HOXD3: variants seen among roughly 807,000 people sequenced by gnomAD.
HOXD3 encodes homeobox D3.
HOXD3 carries 13 observed loss-of-function variants against 32.8 expected under a neutral mutation model. The ratio of observed to expected loss-of-function variants is 0.40; its 90% confidence interval spans 0.26 to 0.63. HOXD3 has a LOEUF of 0.63. Ranked by LOEUF, HOXD3 falls within the 20% of genes least tolerant of loss-of-function variation. The pLI, the probability that HOXD3 is intolerant of heterozygous loss-of-function variation, is 0.44. For synonymous variants in HOXD3, 241 were observed against 246.8 expected, an observed-to-expected ratio of 0.98 and a Z score of 0.22; for missense variants, 504 against 577.1, an observed-to-expected ratio of 0.87 and a Z score of 1.30.
chr2:176,157,650 G>T (rs1439648651), intron 1 of HOXD3, among the ~76,000 whole-genome samples, 198 bp downstream of exon 1: 1 of 152,184 alleles, frequency 6.6e-6, no homozygotes, highest in East Asian at 1.9e-4. Flanking sequence ...GGCCGAGTGT[G>T]TGTGTGTGTG....
chr2:176,165,577 G>C (rs908180018), intron 2 of HOXD3: 1 of 152,374 alleles, frequency 6.6e-6, no homozygotes, highest in Non-Finnish European at 1.5e-5. Flanking sequence ...GACCTATTTG[G>C]CACCCCTTTC....
chr2:176,172,528 G>A lies in HOXD3; in HGVS notation c.*254G>A, dbSNP rs994746095. ...AAATTTGACAGTGCCACATACTGCG[G>A]ACCAAGGGACTCCAATCTGGTAATG... On this transcript the variant is annotated 3_prime_UTR_variant, in exon 4 of 4. Transcript: ENST00000683222. The A allele has an allele frequency of 1.9e-6, 1 of 515,522 alleles. No individual in the cohort carries two copies. 31.9% of individuals were successfully genotyped at this position (515,522 alleles called of 1,614,324 possible).
intron 2 of HOXD3, among the ~76,000 whole-genome samples, chr2:176,168,066 A>G (rs1390996292): frequency 6.6e-6 from 1 of 152,184 alleles, no homozygotes; most frequent in Non-Finnish European, 1.5e-5. Flanking sequence ...GCTAAAAAGA[A>G]GGAAACTCTT....
chr2:176,162,680 T>G (rs1438659687), intron 1 of HOXD3, among the ~76,000 whole-genome samples: 1 of 152,102 alleles, frequency 6.6e-6, no homozygotes, highest in East Asian at 1.9e-4. Flanking sequence ...CCAAGCCTCT[T>G]ACGCCAAGAG....
chr2:176,172,291 G>A lies in HOXD3; in HGVS notation c.*17G>A. ...CATCTGTAGCGGCCGCCGCCAGCCC[G>A]AACTCGCGGCAAAATTACCTCTCTT... On this transcript the variant is annotated 3_prime_UTR_variant, in exon 4 of 4. Coordinates refer to ENST00000683222, the MANE Select transcript of HOXD3 (RefSeq NM_006898.5). 1 of 1,574,360 alleles carries A rather than the reference G, an allele frequency of 6.4e-7. No individual in the cohort carries two copies. Among genetic ancestry groups the A allele is most frequent in the Non-Finnish European group, 8.6e-7 (1 of 1,164,478 alleles).
chr2:176,158,764 G>A (rs1690706474), intron 1 of HOXD3, among the ~76,000 whole-genome samples: 1 of 152,142 alleles, frequency 6.6e-6, no homozygotes, highest in Non-Finnish European at 1.5e-5. Context: ...CAGATTCCAG[G>A]CGCTTTCTCT....
intron 2 of HOXD3, among the ~76,000 whole-genome samples, chr2:176,167,096 T>C (rs72927180): frequency 0.036 from 5,464 of 152,312 alleles, 127 homozygotes; most frequent in Middle Eastern, 0.058. Flanking sequence ...AGTTATACTT[T>C]AACTCTTTAG....
intron 2 of HOXD3, among the ~76,000 whole-genome samples, chr2:176,166,882 C>T (rs1027082460): frequency 6.6e-6 from 1 of 152,134 alleles, no homozygotes; most frequent in African/African-American, 2.4e-5. Context: ...GGAGGGAAAA[C>T]TAGTGAATCA....
chr2:176,153,664 T>C (rs896166544), upstream of HOXD3, among the ~76,000 whole-genome samples: 4 of 152,178 alleles, frequency 2.6e-5, no homozygotes, highest in Admixed American at 6.5e-5. Flanking sequence ...TATGTGCACT[T>C]ACTTCTGAAC....
rs780237209 is a variant in HOXD3 at position 176,169,350 on chromosome 2, C to A, written c.236C>A (p.Pro79Gln). The A allele has an allele frequency of 6.2e-7, 1 of 1,614,096 alleles. No individual in the cohort carries two copies. Among genetic ancestry groups the A allele is most frequent in the Admixed American group, 1.7e-5 (1 of 60,024 alleles). The change falls in exon 3 of 4, where the codon CCA becomes CAA. Residue 79 changes from proline (P) to glutamine (Q), a missense_variant. Physicochemically the swap from Pro to Gln is moderately conservative, Grantham distance 76. Coordinates refer to ENST00000683222, the MANE Select transcript of HOXD3 (RefSeq NM_006898.5). ...SIQSSAPLRAPAHKGAELNGS... is the reference protein window; with the variant it reads ...SIQSSAPLRAQAHKGAELNGS... ...CAGAGCTCTGCCCCTCTGAGAGCCC[C>A]AGCCCACAAAGGAGCTGAACTCAAT...
intron 1 of HOXD3, among the ~76,000 whole-genome samples, chr2:176,162,025 C>T (rs755060757): frequency 6.6e-6 from 1 of 152,206 alleles, no homozygotes; most frequent in Non-Finnish European, 1.5e-5. Context: ...CAGACCCAAC[C>T]GGACCTTTAT....
At position 176,172,247 on chromosome 2, in the gene HOXD3, G is replaced by A; in HGVS notation, c.1272G>A (p.Pro424=). 6.2e-7 allele frequency: 1 copy of A among 1,605,378 alleles called. No individual in the cohort carries two copies. Among genetic ancestry groups the A allele is most frequent in the Non-Finnish European group, 8.5e-7 (1 of 1,178,674 alleles). ...SAHHSSQGRL[P]EAPKLTHL is the part of the protein sequence containing the mutation. ...ACCACTCGTCTCAGGGACGACTGCC[G>A]GAGGCTCCCAAACTGACGCATCTGT... The change falls in exon 4 of 4, where the codon CCG becomes CCA. Residue 424 remains proline (P), a synonymous_variant. Transcript: ENST00000683222.
At chr2:176,167,249 A>G (rs1026723470) in intron 2 of HOXD3, among the ~76,000 whole-genome samples, 1 of 152,052 alleles carries the variant, frequency 6.6e-6, no homozygotes, top group Non-Finnish European at 1.5e-5. Context: ...AGGTTCTCTC[A>G]TTGGTTGTGG....
At chr2:176,152,972 G>C (rs369247267), upstream of HOXD3, 290 of 1,604,028 alleles carry the variant, frequency 1.8e-4, no homozygotes, top group Non-Finnish European at 2.3e-4. The surrounding 1 kb of genome is among the most constrained non-coding windows in gnomAD (Gnocchi z 5.2). Context: ...ATCTCTCCCT[G>C]CGCACCAGGC....
chr2:176,172,444 C>T lies in HOXD3; in HGVS notation c.*170C>T. 1.6e-6 allele frequency: 1 copy of T among 609,072 alleles called. No individual in the cohort carries two copies. The highest frequency in any genetic ancestry group is 2.8e-6 in the Non-Finnish European group (1 of 353,716). 37.7% of individuals were successfully genotyped at this position (609,072 alleles called of 1,614,324 possible). ...CGGAGGCGCAGGCGACCGGGCCTCCCCTCCATGGGCGTCCTTTGGGTGACT... is the reference window on the plus strand; with the variant it reads ...CGGAGGCGCAGGCGACCGGGCCTCCTCTCCATGGGCGTCCTTTGGGTGACT... On this transcript the variant is annotated 3_prime_UTR_variant, in exon 4 of 4. Transcript: ENST00000683222.
chr2:176,163,776 G>A (rs1350192007), intron 1 of HOXD3, among the ~76,000 whole-genome samples: 1 of 152,278 alleles, frequency 6.6e-6, no homozygotes, highest in East Asian at 1.9e-4. Flanking sequence ...GGCAGGAGGA[G>A]AGCAGATTGG....
At chr2:176,157,733 T>A (rs1690678807) in intron 1 of HOXD3, among the ~76,000 whole-genome samples, 1 of 150,936 alleles carries the variant, frequency 6.6e-6, no homozygotes, top group Non-Finnish European at 1.5e-5. Flanking sequence ...AGGGAGAGGG[T>A]GTGTGTGCGA....
chr2:176,164,354 G>T (rs2105440951), intron 2 of HOXD3, 186 bp downstream of exon 2: 1 of 152,310 alleles, frequency 6.6e-6, no homozygotes, highest in Non-Finnish European at 1.5e-5. Flanking sequence ...GCGCTTTAAT[G>T]GGGCAAGCCC....
chr2:176,172,178 T>A lies in HOXD3; in HGVS notation c.1203T>A (p.His401Gln). 1 of 1,613,072 alleles carries A rather than the reference T, an allele frequency of 6.2e-7. No individual in the cohort carries two copies. The highest frequency in any genetic ancestry group is 8.5e-7 in the Non-Finnish European group (1 of 1,179,982). ...CAAQIPGNHH[H>Q]GPCDPHPTYT... ...CGCAGATTCCAGGCAACCACCACCA[T>A]GGACCTTGCGACCCTCATCCCACCT... The change falls in exon 4 of 4, where the codon CAT becomes CAA. Residue 401 changes from histidine (H) to glutamine (Q), a missense_variant. By Grantham distance (24) the His-to-Gln change is conservative. Coordinates refer to ENST00000683222, the MANE Select transcript of HOXD3 (RefSeq NM_006898.5).
Sources: allele counts gnomAD v4.1 joint callset (sites outside exome capture counted in the v4.1 genomes callset), GRCh38; gene constraint gnomAD v4.1.1; non-coding constraint Gnocchi (gnomAD v3.1); transcripts MANE v1.5; gene names NCBI Gene and HGNC (gene_info 2026-07-23, HGNC 2026-07-21).